The following GOLM1 variants were observed in gnomAD, a reference collection of about 807,000 sequenced individuals.
The protein encoded by GOLM1 is golgi membrane protein 1, also known as epididymis luminal protein 46.
In GOLM1, 31 loss-of-function variants were observed where a neutral mutation model predicts 50.5. The observed-to-expected ratio is 0.61, with a 90% CI of 0.46 to 0.83. The LOEUF (loss-of-function observed/expected upper bound fraction) is 0.83, where lower values mean the gene tolerates loss of function less well. GOLM1 is among the 40% of genes least tolerant of loss of function. GOLM1 has a pLI of 0.00. For synonymous variants in GOLM1, 178 were observed against 192.8 expected (o/e 0.92, Z 0.64); for missense variants, 491 against 501.3 (o/e 0.98, Z 0.20).
At chr9:86,034,544 C>G (rs1482437816) in intron 8 of GOLM1, among the ~76,000 whole-genome samples, 1 of 152,210 alleles carries the variant, frequency 6.6e-6, no homozygotes, top group Admixed American at 6.5e-5. Flanking sequence ...CCACAAGCAT[C>G]TTCTTGCTGG....
intron 3 of GOLM1, among the ~76,000 whole-genome samples, chr9:86,072,984 G>C (rs910471651): frequency 5.9e-5 from 9 of 152,192 alleles, no homozygotes; most frequent in Non-Finnish European, 1.0e-4. Context: ...GAAAAGATTA[G>C]AATTTGATGG....
At chr9:86,061,985 G>A (rs1834172357) in intron 3 of GOLM1, among the ~76,000 whole-genome samples, 1 of 152,172 alleles carries the variant, frequency 6.6e-6, no homozygotes, top group Non-Finnish European at 1.5e-5. Flanking sequence ...AAGTTTAAAT[G>A]GAAGGGCGTC....
chr9:86,056,795 C>T (rs1414271028), intron 3 of GOLM1, among the ~76,000 whole-genome samples: 1 of 151,898 alleles, frequency 6.6e-6, no homozygotes, highest in African/African-American at 2.4e-5. Flanking sequence ...TGAGGCACTG[C>T]ACCCAGCCAA....
chr9:86,031,801 A>G lies in GOLM1; in HGVS notation c.1129+1481T>C, dbSNP rs115777282. On this transcript the variant is annotated intron_variant, in intron 9 of 9. Transcript: ENST00000388712. Reference sequence around the variant, plus strand: ...AAGAACATTCCAATTAACAAATAACATAAAAATGAATTGATACAGGCATTG... The same window carrying G: ...AAGAACATTCCAATTAACAAATAACGTAAAAATGAATTGATACAGGCATTG... 5.1e-3 allele frequency among the ~76,000 whole-genome samples: 782 copies of G among 151,926 alleles called. 3 individuals are homozygous for G. Among genetic ancestry groups the G allele is most frequent in the African/African-American group, 0.018 (747 of 41,406 alleles).
intron 1 of GOLM1, among the ~76,000 whole-genome samples, chr9:86,097,584 C>T (rs1835389510): frequency 1.3e-5 from 2 of 152,174 alleles, no homozygotes; most frequent in African/African-American, 2.4e-5. Context: ...GGCTGGACCT[C>T]AGGGACCACG....
chr9:86,027,674 A>C lies in GOLM1; in HGVS notation c.*143T>G. ...GACCATTCCATTTTTTCCTACACAA[A>C]GTGCATACTAAAATTTCACAATAAT... On this transcript the variant is annotated 3_prime_UTR_variant, in exon 10 of 10. Coordinates refer to ENST00000388712, the MANE Select transcript of GOLM1 (RefSeq NM_016548.4). The C allele has an allele frequency of 2.1e-6, 3 of 1,414,718 alleles. No homozygotes were observed. In the South Asian group the frequency reaches 4.9e-5, roughly 23 times the overall value. 87.6% of individuals were successfully genotyped at this position (1,414,718 alleles called of 1,614,324 possible). A position where few individuals can be genotyped will look rare whatever the true frequency, so the allele number is the denominator to read the frequency against.
rs1792878828 is a variant in GOLM1, at chr9:86,040,887, A to C, written c.468-19T>G. 4.3e-6 allele frequency: 7 copies of C among 1,612,576 alleles called. No homozygotes were observed. Among genetic ancestry groups the C allele is most frequent in the Non-Finnish European group, 5.9e-6 (7 of 1,179,290 alleles). ...CTGGCTCCTTTGGTGAAAGAAAGCA[A>C]AGGAAGGGCCTGACGTCTATGACTG... On this transcript the variant is annotated intron_variant, in intron 5 of 9. Coordinates refer to ENST00000388712, the MANE Select transcript of GOLM1 (RefSeq NM_016548.4).
At chr9:86,065,508 C>T (rs1432782442) in intron 3 of GOLM1, among the ~76,000 whole-genome samples, 1 of 152,172 alleles carries the variant, frequency 6.6e-6, no homozygotes, top group African/African-American at 2.4e-5. Flanking sequence ...CGCAGGTGCA[C>T]AAGCAAAGCT....
rs1833041062 is a variant in GOLM1, at chr9:86,033,394, C to T, written c.1017G>A (p.Gly339=). 1 of 1,582,626 alleles carries T rather than the reference C, an allele frequency of 6.3e-7. No homozygotes were observed. The highest frequency in any genetic ancestry group is 8.7e-7 in the Non-Finnish European group (1 of 1,151,316). Residue 339 remains glycine (G), a splice_region_variant and synonymous_variant, in exon 9 of 10, where the codon GGG becomes GGA. Coordinates refer to ENST00000388712, the MANE Select transcript of GOLM1 (RefSeq NM_016548.4). ...QEEEQEAAGE[G]RNQQKLRGED... is the part of the protein sequence containing the mutation. ...CTCCTCTCAGTTTCTGCTGGTTTCT[C>T]CCTGTAAAATTAGCACATAAAACAT... is the stretch of plus-strand genomic sequence containing the variant.
chr9:86,054,336 C>T (rs117286488), intron 3 of GOLM1, among the ~76,000 whole-genome samples: 2,757 of 151,442 alleles, frequency 0.018, 38 homozygotes, highest in Non-Finnish European at 0.028. Context: ...GCGCGATCTC[C>T]GGTTCACTGC....
chr9:86,041,224 G>A (rs561297142), intron 5 of GOLM1, among the ~76,000 whole-genome samples: 39 of 152,260 alleles, frequency 2.6e-4, no homozygotes, highest in Non-Finnish European at 4.0e-4. Flanking sequence ...GATATCTGGC[G>A]ATTCACAAGC....
At chr9:86,073,207 T>A (rs1394363560) in intron 3 of GOLM1, among the ~76,000 whole-genome samples, 4 of 151,964 alleles carry the variant, frequency 2.6e-5, no homozygotes, top group South Asian at 2.1e-4. Flanking sequence ...TGCATCACAG[T>A]GGTCTGGAAG....
chr9:86,035,640 CAGTT>C lies in GOLM1; in HGVS notation c.758-19_758-16del, dbSNP rs759653676. ...ATTGGTTTCCTCTGTGCACAGAACA[CAGTT>C]AGCTGTGACCTTGCCAGCATTTGAT... On this transcript the variant is annotated splice_polypyrimidine_tract_variant and intron_variant, in intron 7 of 9. Transcript: ENST00000388712. The C allele has an allele frequency of 3.0e-5, 40 of 1,313,946 alleles. No homozygotes were observed. The highest frequency in any genetic ancestry group is 4.0e-5 in the Non-Finnish European group (38 of 941,124). The allele number at this position is 1,313,946 out of a possible 1,614,324, so 81.4% of individuals were successfully genotyped here. A position where few individuals can be genotyped will look rare whatever the true frequency, so the allele number is the denominator to read the frequency against.
At chr9:86,052,664 C>T (rs1024437284) in intron 3 of GOLM1, 73 bp from the exon 4 acceptor site, 3 of 1,317,028 alleles carry the variant, frequency 2.3e-6, no homozygotes, top group Non-Finnish European at 3.3e-6. Flanking sequence ...TGATACAAAC[C>T]AATGATGGGG....
intron 3 of GOLM1, among the ~76,000 whole-genome samples, chr9:86,064,434 A>C (rs527711183): frequency 6.6e-6 from 1 of 152,100 alleles, no homozygotes; most frequent in Non-Finnish European, 1.5e-5. Context: ...CTGCCTCCCA[A>C]ATCTGCTCAC....
intron 1 of GOLM1, among the ~76,000 whole-genome samples, chr9:86,086,593 G>A (rs1014345451): frequency 2.0e-4 from 31 of 151,646 alleles, no homozygotes; most frequent in African/African-American, 5.1e-4. Context: ...TAGGTCTTAC[G>A]TTTAAGTCTT....
At chr9:86,039,808 A>C (rs1356934144) in intron 6 of GOLM1, among the ~76,000 whole-genome samples, 1 of 152,070 alleles carries the variant, frequency 6.6e-6, no homozygotes, top group East Asian at 1.9e-4. Context: ...TCTCTACTAA[A>C]AATACAAAAA....
rs559070498 is a variant in GOLM1, at chr9:86,067,630, G to A, written c.309+9782C>T. Among the ~76,000 whole-genome samples, 16 of 152,290 alleles carry A rather than the reference G, an allele frequency of 1.1e-4. 1 individual carries two copies. The South Asian group carries it at 3.1e-3, about 30-fold the overall frequency. On this transcript the variant is annotated intron_variant, in intron 3 of 9. Transcript: ENST00000388712. Reference sequence around the variant, plus strand: ...ATTTCCAAGGCAAGGTCAACAAAAGGGGCCGTCGGTTGAACAGTGTACACC... The same window carrying A: ...ATTTCCAAGGCAAGGTCAACAAAAGAGGCCGTCGGTTGAACAGTGTACACC...
At chr9:86,036,243 G>T in intron 7 of GOLM1, 105 bp downstream of exon 7, 2 of 1,154,024 alleles carry the variant, frequency 1.7e-6, no homozygotes, top group Non-Finnish European at 2.6e-6. Flanking sequence ...GCTCCTGGCT[G>T]CGCCGCTGCC....
Sources: allele counts gnomAD v4.1 joint callset (sites outside exome capture counted in the v4.1 genomes callset), GRCh38; gene constraint gnomAD v4.1.1; transcripts MANE v1.5; gene names NCBI Gene and HGNC (gene_info 2026-07-23, HGNC 2026-07-21).